APP: variants seen among roughly 807,000 people sequenced by gnomAD.
APP encodes the protein amyloid beta precursor protein.
APP carries 31 observed loss-of-function variants against 101.4 expected under a neutral mutation model. The ratio of observed to expected loss-of-function variants is 0.31; its 90% CI spans 0.23 to 0.41. The LOEUF (loss-of-function observed/expected upper bound fraction) is 0.41, where lower values mean the gene tolerates loss of function less well. Ranked by LOEUF, APP falls within the 10% of genes least tolerant of loss-of-function variation. The probability of loss-of-function intolerance (pLI) is 1.00; values close to 1 mark genes in which losing one functional copy is unlikely to be tolerated. For synonymous variants in APP, 366 were observed against 364.4 expected, an observed-to-expected ratio of 1.00 and a Z score of -0.05; for missense variants, 839 against 1,003.7, an observed-to-expected ratio of 0.84 and a Z score of 2.22.
rs983179970 is a variant in APP at position 26,130,968 on chromosome 21, G to A, written c.58-18822C>T. 9.2e-5 allele frequency among the ~76,000 whole-genome samples: 14 copies of A among 152,262 alleles called. No homozygotes were observed. In the South Asian group the frequency reaches 2.1e-3, roughly 23 times the overall value. On this transcript the variant is annotated intron_variant, in intron 1 of 17. Transcript: ENST00000346798. ...TTGTTGGTCAGATGCAGTGGCTCCCGCCTGTAATCCCAGCACTTTGGGAGG... is the reference window on the plus strand; with the variant it reads ...TTGTTGGTCAGATGCAGTGGCTCCCACCTGTAATCCCAGCACTTTGGGAGG...
chr21:26,050,860 G>T (rs1176163492), intron 5 of APP, 140 bp downstream of exon 5: 7 of 980,680 alleles, frequency 7.1e-6, no homozygotes, highest in Admixed American at 2.3e-5. Context: ...TCATAGTTCA[G>T]ATTTTTGCAT....
At chr21:26,154,271 A>G (rs1427617838) in intron 1 of APP, among the ~76,000 whole-genome samples, 4 of 152,208 alleles carry the variant, frequency 2.6e-5, no homozygotes, top group Non-Finnish European at 5.9e-5. Flanking sequence ...GTACATGTTT[A>G]CATACCCATA....
intron 9 of APP, among the ~76,000 whole-genome samples, chr21:25,980,613 T>A (rs993497212): frequency 6.6e-6 from 1 of 152,216 alleles, no homozygotes; most frequent in African/African-American, 2.4e-5. Flanking sequence ...TTCCTCTTTA[T>A]GTTATTATAC....
chr21:26,156,366 CTTAT>C (rs897503011), intron 1 of APP, among the ~76,000 whole-genome samples: 2 of 152,234 alleles, frequency 1.3e-5, no homozygotes, highest in South Asian at 4.1e-4. Context: ...TTCTAGAGAG[CTTAT>C]TTACTTAAAA....
At chr21:26,031,225 A>G (rs2044803236) in intron 5 of APP, among the ~76,000 whole-genome samples, 1 of 152,222 alleles carries the variant, frequency 6.6e-6, no homozygotes, top group Admixed American at 6.5e-5. Context: ...CTACACAGCT[A>G]TAGGTGGTCT....
chr21:26,159,074 A>G (rs1228088008), intron 1 of APP, among the ~76,000 whole-genome samples: 3 of 151,900 alleles, frequency 2.0e-5, no homozygotes, highest in Admixed American at 1.3e-4. Context: ...GAGAGAAACA[A>G]TAAGATAGTA....
intron 1 of APP, among the ~76,000 whole-genome samples, chr21:26,118,003 G>A (rs1052858319): frequency 4.6e-5 from 7 of 151,990 alleles, no homozygotes; most frequent in African/African-American, 1.5e-4. Flanking sequence ...TGTTTTTCAC[G>A]GCCTCTGTTG....
At chr21:25,886,072 T>C (rs1003148192) in intron 17 of APP, among the ~76,000 whole-genome samples, 1 of 151,824 alleles carries the variant, frequency 6.6e-6, no homozygotes, top group Non-Finnish European at 1.5e-5. Context: ...AACGACAGAA[T>C]CCTGTCATTG....
At chr21:26,019,956 C>T (rs1007345688) in intron 6 of APP, among the ~76,000 whole-genome samples, 2 of 152,196 alleles carry the variant, frequency 1.3e-5, no homozygotes, top group East Asian at 3.8e-4. Flanking sequence ...TTTACTAGCA[C>T]ATTTACTTAT....
intron 2 of APP, among the ~76,000 whole-genome samples, chr21:26,093,210 C>A (rs532107014): frequency 7.2e-5 from 11 of 151,992 alleles, no homozygotes; most frequent in Non-Finnish European, 1.6e-4. Context: ...GAATATAATT[C>A]TCCCACCGTC....
chr21:26,161,622 TGTAA>T lies in APP; in HGVS notation c.57+8938_57+8941del, dbSNP rs1035801334. Among the ~76,000 whole-genome samples, 382 of 152,366 alleles carry T rather than the reference TGTAA, an allele frequency of 2.5e-3. 3 individuals carry two copies. The highest frequency in any genetic ancestry group is 8.4e-3 in the African/African-American group (348 of 41,582). On this transcript the variant is annotated intron_variant, in intron 1 of 17. Transcript: ENST00000346798. ...TTTTAAATTGCTAATCAATTTAATA[TGTAA>T]GTATCTATGATTAATTATTCTTAGA...
intron 5 of APP, among the ~76,000 whole-genome samples, chr21:26,038,839 C>T (rs1419547554): frequency 6.6e-6 from 1 of 152,160 alleles, no homozygotes; most frequent in Non-Finnish European, 1.5e-5. Context: ...AACAAGTCCA[C>T]TGTAAACTTT....
At chr21:26,152,298 A>G (rs1437713312) in intron 1 of APP, among the ~76,000 whole-genome samples, 1 of 149,678 alleles carries the variant, frequency 6.7e-6, no homozygotes, top group Admixed American at 6.7e-5. Flanking sequence ...AAAAAAAAAA[A>G]AAAAAAAAAT....
intron 9 of APP, 83 bp downstream of exon 9, chr21:25,982,261 G>A: frequency 7.2e-7 from 1 of 1,392,270 alleles, no homozygotes. Context: ...GATAAAGCCA[G>A]CAGGCCTGTG....
At chr21:26,089,378 A>G (rs2061770264) in intron 3 of APP, 1 of 152,210 alleles carries the variant, frequency 6.6e-6, no homozygotes, top group African/African-American at 2.4e-5. Flanking sequence ...GTTTGTGACA[A>G]AACAAACATT....
At chr21:25,970,402 T>C (rs1213487855) in intron 11 of APP, among the ~76,000 whole-genome samples, 1 of 152,174 alleles carries the variant, frequency 6.6e-6, no homozygotes, top group East Asian at 1.9e-4. Flanking sequence ...ACTTTAGAGA[T>C]TGGACTTTCA....
intron 11 of APP, among the ~76,000 whole-genome samples, chr21:25,968,748 C>T (rs988937917): frequency 1.3e-5 from 2 of 152,092 alleles, no homozygotes; most frequent in East Asian, 3.9e-4. Context: ...AAACTGAAAA[C>T]AATCCACATT....
intron 13 of APP, among the ~76,000 whole-genome samples, chr21:25,925,154 G>A (rs2409156): frequency 1 from 152,276 of 152,276 alleles, 76,138 homozygotes; most frequent in Non-Finnish European, 1. Context: ...CCCTACCCAG[G>A]AGGCCCACTG....
chr21:26,145,543 T>C (rs2063136458), intron 1 of APP, among the ~76,000 whole-genome samples: 1 of 152,132 alleles, frequency 6.6e-6, no homozygotes, highest in East Asian at 1.9e-4. Context: ...GTGGCCCGGT[T>C]CCTAGCAGGC....
Sources: gnomAD v4.1 joint callset for allele counts (sites outside exome capture counted in the v4.1 genomes callset) on GRCh38, gnomAD v4.1.1 for gene constraint, MANE v1.5 for transcripts, NCBI Gene and HGNC (gene_info 2026-07-23, HGNC 2026-07-21) for gene names.